The following UEVLD variants were observed in gnomAD, a reference collection of about 807,000 sequenced individuals.
UEVLD encodes UEV and lactate/malate dehyrogenase domains.
In UEVLD, 47 loss-of-function variants were observed where a neutral mutation model predicts 58.6. That is an observed-to-expected ratio of 0.80 (90% confidence interval 0.63 to 1.02). The LOEUF (loss-of-function observed/expected upper bound fraction) is 1.02, where lower values mean the gene tolerates loss of function less well. Ranked by LOEUF, UEVLD falls within the 50% of genes least tolerant of loss-of-function variation. The pLI, the probability that UEVLD is intolerant of heterozygous loss-of-function variation, is 0.00. For synonymous variants in UEVLD, 197 were observed against 195.3 expected (o/e 1.01, Z -0.07); for missense variants, 510 against 550.6 (o/e 0.93, Z 0.74).
chr11:18,568,869 A>C (rs1852436186), intron 4 of UEVLD, among the ~76,000 whole-genome samples: 1 of 152,094 alleles, frequency 6.6e-6, no homozygotes, highest in Non-Finnish European at 1.5e-5. Flanking sequence ...CCTGTCCTCC[A>C]GCCCTACTAG....
rs1242313656 is a variant in UEVLD at position 18,531,323 on chromosome 11, A to G, written c.*997T>C. 1 of 152,198 alleles carries G rather than the reference A, an allele frequency of 6.6e-6. No individual in the cohort carries two copies. Among genetic ancestry groups the G allele is most frequent in the Non-Finnish European group, 1.5e-5 (1 of 68,030 alleles). 9.4% of individuals were successfully genotyped at this position (152,198 alleles called of 1,614,324 possible). On this transcript the variant is annotated 3_prime_UTR_variant, in exon 12 of 12. Coordinates refer to ENST00000396197, the MANE Select transcript of UEVLD (RefSeq NM_001040697.4). ...AAGTGCTTATCATGCTGCCTGGTAT[A>G]TATGAAGTGTTGATGTTAACTGTTA... is the stretch of plus-strand genomic sequence containing the variant.
chr11:18,572,952 G>GC lies in UEVLD; in HGVS notation c.193+2394dup, dbSNP rs1407169142. On this transcript the variant is annotated intron_variant, in intron 3 of 11. Transcript: ENST00000396197. ...AACTCTGAGGTGGGCTCTACTATTG[G>GC]CCCATTTTACAGATGAGAAAGATAA... Among the ~76,000 whole-genome samples the GC allele has an allele frequency of 2.6e-5, 4 of 152,220 alleles. No homozygotes were observed. In the East Asian group the frequency reaches 5.8e-4, roughly 22 times the overall value.
chr11:18,583,438 C>T (rs183338962), intron 1 of UEVLD, among the ~76,000 whole-genome samples: 3 of 151,918 alleles, frequency 2.0e-5, no homozygotes, highest in African/African-American at 7.2e-5. Context: ...AGGCTGGTCT[C>T]GAACTCTTGA....
intron 6 of UEVLD, among the ~76,000 whole-genome samples, chr11:18,561,831 CAAAAAAA>C (rs567518058): frequency 2.8e-5 from 2 of 71,478 alleles, no homozygotes; most frequent in African/African-American, 9.2e-5. Flanking sequence ...GACTTCGTCT[CAAAAAAA>C]AAAAAAAAAA....
At position 18,532,167 on chromosome 11, in the gene UEVLD, C is replaced by T. The variant is rs1046127597; in HGVS notation, c.*153G>A. ...CCTTGTATAACTCCTTAAGGATTTA[C>T]ATCACAAAGCTAATCAAGAAACCCT... On this transcript the variant is annotated 3_prime_UTR_variant, in exon 12 of 12. Transcript: ENST00000396197. The T allele has an allele frequency of 6.4e-6, 4 of 629,678 alleles. No individual in the cohort carries two copies. The highest frequency in any genetic ancestry group is 9.9e-6 in the Non-Finnish European group (4 of 403,114). 39.0% of individuals were successfully genotyped at this position (629,678 alleles called of 1,614,324 possible).
At chr11:18,545,070 C>CTATATA (rs1554976327) in intron 8 of UEVLD, among the ~76,000 whole-genome samples, 2,798 of 103,422 alleles carry the variant, frequency 0.027, 168 homozygotes, top group African/African-American at 0.094. Context: ...ATATCTATAT[C>CTATATA]TATATTTTTT....
intron 7 of UEVLD, among the ~76,000 whole-genome samples, chr11:18,554,829 G>A (rs1193057840): frequency 2.6e-5 from 4 of 152,002 alleles, no homozygotes; most frequent in African/African-American, 9.7e-5. Flanking sequence ...TGTTATAGTA[G>A]CTATTAAAAA....
chr11:18,537,324 A>ATTT (rs1554974951), intron 9 of UEVLD, among the ~76,000 whole-genome samples: 2,840 of 131,488 alleles, frequency 0.022, 30 homozygotes, highest in Middle Eastern at 0.055. Flanking sequence ...ATATATATAT[A>ATTT]TTTTTTTTTT....
Position 18,530,884 on chromosome 11 carries a change from C to G in UEVLD, c.*1436G>C, listed in dbSNP as rs1017739603. The G allele has an allele frequency of 6.6e-6, 1 of 152,324 alleles. No homozygotes were observed. Among genetic ancestry groups the G allele is most frequent in the Non-Finnish European group, 1.5e-5 (1 of 68,178 alleles). The allele number at this position is 152,324 out of a possible 1,614,324, so 9.4% of individuals were successfully genotyped here. A position where few individuals can be genotyped will look rare whatever the true frequency, so the allele number is the denominator to read the frequency against. Reference sequence around the variant, plus strand: ...GGGACTACAGGCACCTGCCACCACGCCTGGCTAACTTTTTGTATTTTTAGT... The same window carrying G: ...GGGACTACAGGCACCTGCCACCACGGCTGGCTAACTTTTTGTATTTTTAGT... On this transcript the variant is annotated 3_prime_UTR_variant, in exon 12 of 12. Transcript: ENST00000396197.
Position 18,588,500 on chromosome 11 carries a change from C to A in UEVLD, c.42+113G>T. ...GCCGGTTTCAGACCAGCCGCCCCGGCTCCAAGCCCCACTACAAGCCGGGAA... is the reference window on the plus strand; with the variant it reads ...GCCGGTTTCAGACCAGCCGCCCCGGATCCAAGCCCCACTACAAGCCGGGAA... On this transcript the variant is annotated intron_variant, in intron 1 of 11. Coordinates refer to ENST00000396197, the MANE Select transcript of UEVLD (RefSeq NM_001040697.4). 9 of 1,320,068 alleles carry A rather than the reference C, an allele frequency of 6.8e-6. No homozygotes were observed. In the South Asian group the frequency reaches 1.1e-4, roughly 16 times the overall value. 81.8% of individuals were successfully genotyped at this position (1,320,068 alleles called of 1,614,324 possible).
intron 3 of UEVLD, among the ~76,000 whole-genome samples, chr11:18,571,538 C>G (rs769343929): frequency 1.4e-4 from 21 of 152,168 alleles, no homozygotes; most frequent in Non-Finnish European, 2.9e-4. Context: ...TCTCTTCTTC[C>G]TTCCCTCTTT....
At chr11:18,558,177 T>A in intron 7 of UEVLD, 51 bp downstream of exon 7, 1 of 1,364,908 alleles carries the variant, frequency 7.3e-7, no homozygotes. Flanking sequence ...ATTCTAGGAG[T>A]CAAAAATGAA....
chr11:18,583,637 C>G (rs1234390835), intron 1 of UEVLD, among the ~76,000 whole-genome samples: 1 of 4,318 alleles, frequency 2.3e-4, no homozygotes, highest in Non-Finnish European at 9.5e-4. Flanking sequence ...AGGAAGGAAT[C>G]TTTATTAAGT....
At chr11:18,562,560 T>A (rs949517643) in intron 6 of UEVLD, among the ~76,000 whole-genome samples, 71 of 149,344 alleles carry the variant, frequency 4.8e-4, no homozygotes, top group South Asian at 1.5e-3. Context: ...AAAAAAAAAA[T>A]TTTTTTTGTA....
intron 7 of UEVLD, among the ~76,000 whole-genome samples, chr11:18,552,570 T>TA (rs1851573333): frequency 6.6e-6 from 1 of 150,894 alleles, no homozygotes; most frequent in Non-Finnish European, 1.5e-5. Flanking sequence ...AAATTAAAAT[T>TA]AAAAAATTAG....
intron 7 of UEVLD, among the ~76,000 whole-genome samples, chr11:18,555,681 C>T (rs371964844): frequency 5.3e-5 from 8 of 151,818 alleles, no homozygotes; most frequent in South Asian, 2.1e-4. Context: ...GGTATGGTGA[C>T]GTGCACCTGT....
Position 18,529,973 on chromosome 11 carries a change from A to G in UEVLD, c.*2347T>C, listed in dbSNP as rs1307873886. 6.6e-6 allele frequency: 1 copy of G among 152,244 alleles called. No individual in the cohort carries two copies. Among genetic ancestry groups the G allele is most frequent in the East Asian group, 1.9e-4 (1 of 5,206 alleles). The allele number at this position is 152,244 out of a possible 1,614,324, so 9.4% of individuals were successfully genotyped here. ...GACTATTATTCATCTTCGAATAGTC[A>G]AATTCTAACACAGTATTTGGAGTAA... On this transcript the variant is annotated 3_prime_UTR_variant, in exon 12 of 12. Transcript: ENST00000396197.
At chr11:18,560,867 C>T (rs749017342) in intron 6 of UEVLD, among the ~76,000 whole-genome samples, 4 of 152,038 alleles carry the variant, frequency 2.6e-5, no homozygotes, top group Non-Finnish European at 5.9e-5. Flanking sequence ...AAAAATTAGC[C>T]GGGCCTGGTG....
chr11:18,534,342 T>G lies in UEVLD; in HGVS notation c.1236A>C (p.Ser412=). The change falls in exon 11 of 12, where the codon TCA becomes TCC. Residue 412 remains serine, a synonymous_variant. Coordinates refer to ENST00000396197, the MANE Select transcript of UEVLD (RefSeq NM_001040697.4). ...VNNKKKVHSV[S]ALAKGYYDIN... is the part of the protein sequence containing the mutation. ...GAATAGCAATTACCTTTGCTAAAGC[T>G]GATACAGAATGCACTTTCTTCTTAT... The G allele has an allele frequency of 6.5e-7, 1 of 1,542,008 alleles. No individual in the cohort carries two copies. The highest frequency in any genetic ancestry group is 8.7e-7 in the Non-Finnish European group (1 of 1,152,998).
Sources: gnomAD v4.1 joint callset for allele counts (sites outside exome capture counted in the v4.1 genomes callset) on GRCh38, gnomAD v4.1.1 for gene constraint, MANE v1.5 for transcripts, NCBI Gene and HGNC (gene_info 2026-07-23, HGNC 2026-07-21) for gene names.